MGAT4C: variants seen among roughly 807,000 people sequenced by gnomAD.
MGAT4C encodes MGAT4 family member C.
In MGAT4C, 19 loss-of-function variants were observed where a neutral mutation model predicts 40.1. That is an observed-to-expected ratio of 0.47 (90% CI 0.33 to 0.70). The LOEUF (loss-of-function observed/expected upper bound fraction) is 0.70, where lower values mean the gene tolerates loss of function less well. MGAT4C is among the 30% of genes least tolerant of loss of function. MGAT4C has a pLI of 0.02. For synonymous variants in MGAT4C, 181 were observed against 187.1 expected (o/e 0.97, Z 0.27); for missense variants, 491 against 563.2 (o/e 0.87, Z 1.30).
At chr12:86,306,778 G>A (rs886486293) in intron 4 of MGAT4C, among the ~76,000 whole-genome samples, 3 of 150,378 alleles carry the variant, frequency 2.0e-5, no homozygotes, top group African/African-American at 5.0e-5. Flanking sequence ...ACAGTGCAGC[G>A]ATTCTACAAA....
chr12:86,118,838 G>A (rs1172832480), intron 1 of MGAT4C, among the ~76,000 whole-genome samples: 1 of 152,028 alleles, frequency 6.6e-6, no homozygotes, highest in African/African-American at 2.4e-5. Context: ...TAGATGACCA[G>A]AAAGCAATAT....
At chr12:86,782,171 A>ATTTTTTTT in intron 1 of MGAT4C, among the ~76,000 whole-genome samples, 1 of 40,292 alleles carries the variant, frequency 2.5e-5, no homozygotes, top group Non-Finnish European at 4.4e-5. Flanking sequence ...TGTTTTTTGT[A>ATTTTTTTT]TTTTTTTTTT....
chr12:86,282,359 C>A lies in MGAT4C; in HGVS notation c.-57+51706G>T, dbSNP rs371597273. On this transcript the variant is annotated intron_variant, in intron 4 of 7. Coordinates refer to the MGAT4C transcript ENST00000548651. ...ATACAATATTCTATCTGTTGTTAAA[C>A]CTAATCCAATGCCTTCTTTTTGGTT... Among the ~76,000 whole-genome samples, 50 of 152,152 alleles carry A rather than the reference C, an allele frequency of 3.3e-4. No homozygotes were observed. The East Asian group carries it at 9.1e-3, about 28-fold the overall frequency.
At chr12:86,643,741 A>G (rs1344806898) in intron 2 of MGAT4C, among the ~76,000 whole-genome samples, 1 of 151,832 alleles carries the variant, frequency 6.6e-6, no homozygotes, top group Non-Finnish European at 1.5e-5. Flanking sequence ...TAATGAAGAT[A>G]TTCTGGAATT....
chr12:86,764,963 C>T (rs572378844), intron 1 of MGAT4C, among the ~76,000 whole-genome samples: 2 of 152,322 alleles, frequency 1.3e-5, no homozygotes, highest in African/African-American at 4.8e-5. Flanking sequence ...GAGCGCCTCT[C>T]CTACTCCAAA....
At chr12:86,823,042 T>A (rs562653744) in intron 1 of MGAT4C, among the ~76,000 whole-genome samples, 3 of 148,030 alleles carry the variant, frequency 2.0e-5, no homozygotes, top group Non-Finnish European at 4.5e-5. Flanking sequence ...TAACAACCAC[T>A]GGGTAAGAGA....
intron 2 of MGAT4C, among the ~76,000 whole-genome samples, chr12:86,560,977 A>C (rs1301306232): frequency 1.3e-5 from 2 of 152,174 alleles, no homozygotes; most frequent in Non-Finnish European, 2.9e-5. Flanking sequence ...ACCAACATAC[A>C]AAAATCAGTA....
At chr12:86,450,873 C>T (rs760048721) in intron 2 of MGAT4C, among the ~76,000 whole-genome samples, 1 of 152,032 alleles carries the variant, frequency 6.6e-6, no homozygotes, top group Non-Finnish European at 1.5e-5. Flanking sequence ...CACATGTATA[C>T]ATTTATGTAT....
intron 3 of MGAT4C, among the ~76,000 whole-genome samples, chr12:85,987,588 C>T (rs547764631): frequency 3.0e-4 from 45 of 152,296 alleles, no homozygotes; most frequent in African/African-American, 8.4e-4. Context: ...ATATTATCTA[C>T]ATTTGATGAC....
At chr12:86,456,776 G>T (rs1321160048) in intron 2 of MGAT4C, among the ~76,000 whole-genome samples, 1 of 152,006 alleles carries the variant, frequency 6.6e-6, no homozygotes, top group African/African-American at 2.4e-5. Flanking sequence ...GGTTGTCCCA[G>T]CTAAAAATGT....
At chr12:86,769,946 G>C (rs1202915766) in intron 1 of MGAT4C, among the ~76,000 whole-genome samples, 1 of 151,896 alleles carries the variant, frequency 6.6e-6, no homozygotes, top group African/African-American at 2.4e-5. Flanking sequence ...ACACCAGCAT[G>C]GCACACGTAT....
At chr12:86,724,530 G>C (rs1295729174) in intron 2 of MGAT4C, among the ~76,000 whole-genome samples, 1 of 152,140 alleles carries the variant, frequency 6.6e-6, no homozygotes, top group Non-Finnish European at 1.5e-5. Flanking sequence ...TGTGTAGGTT[G>C]ATTATGATAT....
intron 2 of MGAT4C, among the ~76,000 whole-genome samples, chr12:86,004,900 A>G (rs1887716989): frequency 1.3e-5 from 2 of 152,188 alleles, no homozygotes; most frequent in African/African-American, 2.4e-5. Context: ...GTGTAACTGT[A>G]GGCAGAAACT....
At chr12:86,620,304 A>C (rs1962594637) in intron 2 of MGAT4C, among the ~76,000 whole-genome samples, 1 of 152,072 alleles carries the variant, frequency 6.6e-6, no homozygotes, top group African/African-American at 2.4e-5. Context: ...TTATGGAATC[A>C]ACCTAAGTGT....
At chr12:86,712,817 T>G (rs753920956) in intron 2 of MGAT4C, among the ~76,000 whole-genome samples, 4 of 152,120 alleles carry the variant, frequency 2.6e-5, no homozygotes, top group African/African-American at 9.7e-5. Context: ...TTGCCTCCTC[T>G]GGCTCCATTC....
At chr12:86,526,438 G>T (rs1958884415) in intron 2 of MGAT4C, among the ~76,000 whole-genome samples, 1 of 152,146 alleles carries the variant, frequency 6.6e-6, no homozygotes, top group Admixed American at 6.5e-5. Flanking sequence ...GGAAGCTGCA[G>T]TGTGAGGACA....
At chr12:86,223,508 G>A (rs950556680) in intron 1 of MGAT4C, among the ~76,000 whole-genome samples, 2 of 152,100 alleles carry the variant, frequency 1.3e-5, no homozygotes, top group Non-Finnish European at 2.9e-5. Context: ...CAGCTACCTC[G>A]CTAGCCTGCT....
intron 3 of MGAT4C, among the ~76,000 whole-genome samples, chr12:86,341,650 T>C (rs1473590785): frequency 3.3e-5 from 5 of 152,184 alleles, no homozygotes; most frequent in Admixed American, 1.3e-4. Context: ...ATCTTTGCTG[T>C]TCAGGAGCCT....
At chr12:86,112,952 T>G (rs547983103) in intron 1 of MGAT4C, among the ~76,000 whole-genome samples, 55 of 151,966 alleles carry the variant, frequency 3.6e-4, no homozygotes, top group African/African-American at 1.1e-3. Context: ...GATTACTAAG[T>G]GTTTTCCTAT....
Sources: gnomAD v4.1 joint callset for allele counts (sites outside exome capture counted in the v4.1 genomes callset) on GRCh38, gnomAD v4.1.1 for gene constraint, MANE v1.5 for transcripts, NCBI Gene and HGNC (gene_info 2026-07-23, HGNC 2026-07-21) for gene names.